The following ZNF804A variants were observed in gnomAD, a reference collection of about 807,000 sequenced individuals.
The protein encoded by ZNF804A is zinc finger protein 804A.
Under a neutral mutation model 16.5 loss-of-function variants are expected in ZNF804A, and 2 were observed. That is an observed-to-expected ratio of 0.12 (90% CI 0.05 to 0.38). The LOEUF is 0.38. Ranked by LOEUF, ZNF804A falls within the 10% of genes least tolerant of loss-of-function variation. The probability of loss-of-function intolerance (pLI) is 0.99; values close to 1 mark genes in which losing one functional copy is unlikely to be tolerated. For synonymous variants in ZNF804A, 534 were observed against 489.6 expected (o/e 1.09, Z -1.20); for missense variants, 1,473 against 1,390.7 (o/e 1.06, Z -0.94).
At chr2:184,637,008 G>C (rs1339629161) in intron 1 of ZNF804A, among the ~76,000 whole-genome samples, 1 of 152,066 alleles carries the variant, frequency 6.6e-6, no homozygotes, top group Non-Finnish European at 1.5e-5. Flanking sequence ...TTAAAATGTT[G>C]TGTAGAAGAT....
chr2:184,897,807 T>C (rs1685112509), intron 2 of ZNF804A, among the ~76,000 whole-genome samples: 1 of 152,084 alleles, frequency 6.6e-6, no homozygotes. Context: ...CATTATAGTT[T>C]CTTTGTTTCT....
At chr2:184,851,198 C>T (rs759795330) in intron 1 of ZNF804A, among the ~76,000 whole-genome samples, 1 of 151,694 alleles carries the variant, frequency 6.6e-6, no homozygotes, top group South Asian at 2.1e-4. Context: ...GGAGAGAGCA[C>T]GTAAAATCTA....
chr2:184,883,896 C>T (rs1002534574), intron 2 of ZNF804A, among the ~76,000 whole-genome samples: 5 of 151,992 alleles, frequency 3.3e-5, no homozygotes, highest in East Asian at 1.9e-4. Context: ...TGGAAGAAGA[C>T]AAGGATGCAC....
At chr2:184,605,815 G>A (rs1213210406) in intron 1 of ZNF804A, among the ~76,000 whole-genome samples, 1 of 152,082 alleles carries the variant, frequency 6.6e-6, no homozygotes, top group Non-Finnish European at 1.5e-5. Context: ...TATTATGATA[G>A]TGTCTTCAAG....
chr2:184,612,451 G>C (rs373956095), intron 1 of ZNF804A, among the ~76,000 whole-genome samples: 5 of 120,958 alleles, frequency 4.1e-5, no homozygotes, highest in East Asian at 2.0e-4. Context: ...TTTTTTTTTG[G>C]GGGGGGGACG....
At chr2:184,874,575 T>A (rs1382238654) in intron 2 of ZNF804A, among the ~76,000 whole-genome samples, 1 of 152,104 alleles carries the variant, frequency 6.6e-6, no homozygotes, top group Non-Finnish European at 1.5e-5. Context: ...TTTCACCATT[T>A]CCTAAAAAAA....
intron 2 of ZNF804A, among the ~76,000 whole-genome samples, chr2:184,911,309 C>T (rs1195399303): frequency 6.6e-6 from 1 of 151,632 alleles, no homozygotes; most frequent in Non-Finnish European, 1.5e-5. Context: ...TGGGTTTGCT[C>T]TTCGGTTCCA....
intron 1 of ZNF804A, among the ~76,000 whole-genome samples, chr2:184,819,054 G>T (rs1574226781): frequency 6.6e-6 from 1 of 151,816 alleles, no homozygotes; most frequent in African/African-American, 2.4e-5. Flanking sequence ...CTCACCTCTA[G>T]ATCAAGCAGA....
intron 2 of ZNF804A, among the ~76,000 whole-genome samples, chr2:184,871,294 C>G (rs1695970487): frequency 6.6e-6 from 1 of 151,554 alleles, no homozygotes; most frequent in Non-Finnish European, 1.5e-5. Context: ...GTAGATACCA[C>G]TGTGAGCTTT....
At chr2:184,716,332 T>C (rs1454551127) in intron 1 of ZNF804A, among the ~76,000 whole-genome samples, 1 of 152,082 alleles carries the variant, frequency 6.6e-6, no homozygotes, top group Non-Finnish European at 1.5e-5. Flanking sequence ...TTCTGTTTTA[T>C]CTAATATTTT....
intron 2 of ZNF804A, among the ~76,000 whole-genome samples, chr2:184,901,468 T>A (rs1406679171): frequency 6.6e-6 from 1 of 152,058 alleles, no homozygotes; most frequent in Non-Finnish European, 1.5e-5. Context: ...AGTAATGACA[T>A]GAGAGAAGTT....
intron 1 of ZNF804A, among the ~76,000 whole-genome samples, chr2:184,695,638 G>C (rs938694729): frequency 6.6e-6 from 1 of 151,786 alleles, no homozygotes; most frequent in African/African-American, 2.4e-5. Flanking sequence ...GGCTGGTCTT[G>C]AACTCTTGGC....
intron 1 of ZNF804A, among the ~76,000 whole-genome samples, chr2:184,680,738 C>G (rs1042786618): frequency 1.3e-5 from 2 of 152,230 alleles, no homozygotes; most frequent in African/African-American, 4.8e-5. Context: ...AATGGCAGGG[C>G]TGAAAGAACT....
intron 1 of ZNF804A, among the ~76,000 whole-genome samples, chr2:184,691,460 T>C (rs990129194): frequency 1.4e-5 from 2 of 147,458 alleles, no homozygotes; most frequent in Non-Finnish European, 2.9e-5. Flanking sequence ...AACTTGATTT[T>C]ATTTACTATT....
chr2:184,654,405 G>T (rs935766905), intron 1 of ZNF804A, among the ~76,000 whole-genome samples: 1 of 152,152 alleles, frequency 6.6e-6, no homozygotes, highest in African/African-American at 2.4e-5. Context: ...GAAGGTGGCT[G>T]TCATTGAATA....
chr2:184,743,221 C>G (rs1473363704), intron 1 of ZNF804A, among the ~76,000 whole-genome samples: 1 of 151,932 alleles, frequency 6.6e-6, no homozygotes, highest in Non-Finnish European at 1.5e-5. Flanking sequence ...CATCATTATC[C>G]ACCCCACTTG....
At chr2:184,922,609 C>T (rs1329996564) in intron 2 of ZNF804A, among the ~76,000 whole-genome samples, 2 of 151,702 alleles carry the variant, frequency 1.3e-5, no homozygotes, top group East Asian at 1.9e-4. Flanking sequence ...TTTGATGTGG[C>T]CCTATTTGTC....
At chr2:184,759,023 A>G (rs1694000942) in intron 1 of ZNF804A, among the ~76,000 whole-genome samples, 1 of 151,670 alleles carries the variant, frequency 6.6e-6, no homozygotes, top group Admixed American at 6.6e-5. Flanking sequence ...TATTTATGTT[A>G]TATGTAGATA....
Position 184,935,829 on chromosome 2 carries a change from A to G in ZNF804A, c.433A>G (p.Arg145Gly), listed in dbSNP as rs144064575. 34 of 1,613,152 alleles carry G rather than the reference A, an allele frequency of 2.1e-5. No individual in the cohort carries two copies. The highest frequency in any genetic ancestry group is 1.6e-4 in the East Asian group (7 of 44,848). ...PMFKSTTVTVRENCNEISQRV... is the reference protein window; with the variant it reads ...PMFKSTTVTVGENCNEISQRV... The stretch of plus-strand genomic sequence containing the variant: ...GTTCAAATCAACAACTGTTACTGTG[A>G]GAGAAAACTGTAATGAAATTTCCCA... The change falls in exon 4 of 4, where the codon AGA becomes GGA. Residue 145 changes from arginine (R) to glycine (G), a missense_variant. By Grantham distance (125) the Arg-to-Gly change is moderately radical (BLOSUM62 -2). Coordinates refer to ENST00000302277, the MANE Select transcript of ZNF804A (RefSeq NM_194250.2).
Sources: allele counts gnomAD v4.1 joint callset (sites outside exome capture counted in the v4.1 genomes callset), GRCh38; gene constraint gnomAD v4.1.1; transcripts MANE v1.5; gene names NCBI Gene and HGNC (gene_info 2026-07-23, HGNC 2026-07-21).